LRRC46: variants seen among roughly 807,000 people sequenced by gnomAD.
LRRC46 encodes leucine-rich repeat-containing protein 46.
A neutral mutation model predicts 28.0 loss-of-function variants in LRRC46; 20 were observed. The ratio of observed to expected loss-of-function variants is 0.71; its 90% CI spans 0.50 to 1.04. The LOEUF is 1.04. Ranked by LOEUF, LRRC46 falls within the 50% of genes least tolerant of loss-of-function variation. The probability of loss-of-function intolerance (pLI) is 0.00; values close to 1 mark genes in which losing one functional copy is unlikely to be tolerated. For synonymous variants in LRRC46, 156 were observed against 158.8 expected (o/e 0.98, Z 0.13); for missense variants, 315 against 390.1 (o/e 0.81, Z 1.62).
chr17:47,837,416 G>A lies in LRRC46; in HGVS notation c.*296G>A. The A allele has an allele frequency of 2.2e-6, 1 of 444,906 alleles. No homozygotes were observed. The highest frequency in any genetic ancestry group is 4.0e-6 in the Non-Finnish European group (1 of 252,566). The allele number at this position is 444,906 out of a possible 1,614,324, so 27.6% of individuals were successfully genotyped here. A position where few individuals can be genotyped will look rare whatever the true frequency, so the allele number is the denominator to read the frequency against. ...TTCCTGGCTCCCACTTGGGCAGGAA[G>A]CGGGCACCACCTCATGGAAGAGGCA... is the stretch of plus-strand genomic sequence containing the variant. On this transcript the variant is annotated 3_prime_UTR_variant, in exon 8 of 8. Transcript: ENST00000269025.
chr17:47,831,954 C>T lies in LRRC46; in HGVS notation c.-36C>T, dbSNP rs780930852. ...CGCCAAGACCTCTCTTTTCGTTCCT[C>T]TCCCGCCTCAGACCAGCAGCCTTTT... On this transcript the variant is annotated 5_prime_UTR_variant, in exon 1 of 8. Coordinates refer to ENST00000269025, the MANE Select transcript of LRRC46 (RefSeq NM_033413.4). 6.2e-7 allele frequency: 1 copy of T among 1,612,804 alleles called. No individual in the cohort carries two copies. Among genetic ancestry groups the T allele is most frequent in the Non-Finnish European group, 8.5e-7 (1 of 1,180,006 alleles).
At chr17:47,835,457 C>T in intron 4 of LRRC46, 58 bp downstream of exon 4, 1 of 1,591,940 alleles carries the variant, frequency 6.3e-7, no homozygotes, top group Non-Finnish European at 8.6e-7. Context: ...TAGCCATATC[C>T]CAAAGAACTG....
At chr17:47,835,953 G>C (rs920263675) in intron 5 of LRRC46, 80 bp from the exon 6 acceptor site, 23 of 1,520,434 alleles carry the variant, frequency 1.5e-5, no homozygotes, top group Non-Finnish European at 2.1e-5. Flanking sequence ...GTGGGTATGA[G>C]AACCCCATTC....
In LRRC46 at chr17:47,835,414, G is replaced by A; in HGVS notation, c.272+15G>A. ...CCCTCCTTGCGGTATGTGGTGCCAGGGCTCAGGCAGGGGAAGAGGGGTTGG... is the reference window on the plus strand; with the variant it reads ...CCCTCCTTGCGGTATGTGGTGCCAGAGCTCAGGCAGGGGAAGAGGGGTTGG... On this transcript the variant is annotated intron_variant, in intron 4 of 7. Transcript: ENST00000269025. The A allele has an allele frequency of 6.2e-7, 1 of 1,613,656 alleles. No homozygotes were observed. The highest frequency in any genetic ancestry group is 8.5e-7 in the Non-Finnish European group (1 of 1,179,908).
intron 3 of LRRC46, 127 bp from the exon 4 acceptor site, chr17:47,835,226 G>A (rs2033679201): frequency 1.1e-6 from 1 of 939,568 alleles, no homozygotes; most frequent in Non-Finnish European, 1.8e-6. Context: ...AAGGAGTGGG[G>A]TGATCATTCC....
At chr17:47,835,501 T>A in intron 4 of LRRC46, 102 bp downstream of exon 4, 1 of 1,460,490 alleles carries the variant, frequency 6.8e-7, no homozygotes, top group Non-Finnish European at 9.5e-7. Flanking sequence ...TCCTTGTCAG[T>A]CAAGGACCAG....
At chr17:47,835,421 G>T in intron 4 of LRRC46, 22 bp downstream of exon 4, 1 of 1,613,496 alleles carries the variant, frequency 6.2e-7, no homozygotes, top group Non-Finnish European at 8.5e-7. Flanking sequence ...CAGGGCTCAG[G>T]CAGGGGAAGA....
chr17:47,832,149 C>A lies in LRRC46; in HGVS notation c.60C>A (p.Ala20=). Residue 20 remains alanine (A), a synonymous_variant, in exon 2 of 8, where the codon GCC becomes GCA. Coordinates refer to ENST00000269025, the MANE Select transcript of LRRC46 (RefSeq NM_033413.4). ...AAGGGGGCGTCTGCATCACTGAAGCCCTTATCACTAAGCGGAACTTGACTT... is the reference window on the plus strand; with the variant it reads ...AAGGGGGCGTCTGCATCACTGAAGCACTTATCACTAAGCGGAACTTGACTT... ...PEEGGVCITE[A]LITKRNLTFP... The A allele has an allele frequency of 1.2e-6, 2 of 1,606,962 alleles. No individual in the cohort carries two copies. The highest frequency in any genetic ancestry group is 1.7e-6 in the Non-Finnish European group (2 of 1,175,720).
chr17:47,837,479 C>G lies in LRRC46; in HGVS notation c.*359C>G. On this transcript the variant is annotated 3_prime_UTR_variant, in exon 8 of 8. Transcript: ENST00000269025. ...GCCACCCCTAGCGAGTGCCCTTCCC[C>G]GGTCCAAGCCAAGGACCAAGGAGCT... The G allele has an allele frequency of 2.5e-6, 1 of 397,016 alleles. No homozygotes were observed. The highest frequency in any genetic ancestry group is 4.5e-6 in the Non-Finnish European group (1 of 221,932). The allele number at this position is 397,016 out of a possible 1,614,324, so 24.6% of individuals were successfully genotyped here. A position where few individuals can be genotyped will look rare whatever the true frequency, so the allele number is the denominator to read the frequency against.
At chr17:47,835,203 T>A in intron 3 of LRRC46, 150 bp from the exon 4 acceptor site, 1 of 823,142 alleles carries the variant, frequency 1.2e-6, no homozygotes, top group Non-Finnish European at 2.1e-6. Flanking sequence ...CTTAAGGTAG[T>A]GGCAACCTGT....
chr17:47,833,448 ATTTTT>A (rs35268915), intron 2 of LRRC46, among the ~76,000 whole-genome samples: 1 of 118,674 alleles, frequency 8.4e-6, no homozygotes, highest in African/African-American at 3.4e-5. Flanking sequence ...CCTTCTTCCT[ATTTTT>A]TTTTTTTTTT....
rs901504078 is a variant in LRRC46 at position 47,834,666 on chromosome 17, C to G, written c.225+133C>G. On this transcript the variant is annotated intron_variant, in intron 3 of 7. Transcript: ENST00000269025. ...AGGCAGACCTTCATTTAAACCATTC[C>G]CAGACGAATGACATAGGGTCCTGAA... 1.3e-5 allele frequency: 8 copies of G among 610,464 alleles called. No individual in the cohort carries two copies. The African/African-American group carries it at 1.5e-4, about 11-fold the overall frequency. The allele number at this position is 610,464 out of a possible 1,614,324, so 37.8% of individuals were successfully genotyped here.
In LRRC46 at chr17:47,831,908, A is replaced by C; in HGVS notation, c.-82A>C. On this transcript the variant is annotated 5_prime_UTR_variant, in exon 1 of 8. Coordinates refer to ENST00000269025, the MANE Select transcript of LRRC46 (RefSeq NM_033413.4). ...GTTTCTCTCTCCTCCTGCCATCCTG[A>C]GTTCTGCCATCCTTAGGGGCCGCCA... 5.1e-6 allele frequency: 8 copies of C among 1,577,550 alleles called. No homozygotes were observed. Among genetic ancestry groups the C allele is most frequent in the Non-Finnish European group, 7.0e-6 (8 of 1,150,540 alleles).
At position 47,837,564 on chromosome 17, in the gene LRRC46, G is replaced by T. The variant is rs1301761241; in HGVS notation, c.*444G>T. The T allele has an allele frequency of 6.3e-6, 3 of 476,724 alleles. No homozygotes were observed. The highest frequency in any genetic ancestry group is 1.1e-5 in the Non-Finnish European group (3 of 272,100). The allele number at this position is 476,724 out of a possible 1,614,324, so 29.5% of individuals were successfully genotyped here. On this transcript the variant is annotated 3_prime_UTR_variant, in exon 8 of 8. Coordinates refer to ENST00000269025, the MANE Select transcript of LRRC46 (RefSeq NM_033413.4). The stretch of plus-strand genomic sequence containing the variant: ...TGTCCCCTCCCTGTCCTCCTGCCCA[G>T]TCCCCATCACTCACCCACTCATAGG...
At chr17:47,834,842 G>C (rs1184379290) in intron 3 of LRRC46, 3 of 246,384 alleles carry the variant, frequency 1.2e-5, no homozygotes, top group South Asian at 9.0e-5. Context: ...CTGTTTTGAA[G>C]AAGAGGAAAC....
Position 47,836,674 on chromosome 17 carries a change from TC to T in LRRC46, c.596-73del, listed in dbSNP as rs2033701119. ...AGGGACAAGGGGCCAGCCAGAGACT[TC>T]CCTGAGCCCAGGGACCCTCCTGCTG... On this transcript the variant is annotated intron_variant, in intron 7 of 7. Coordinates refer to ENST00000269025, the MANE Select transcript of LRRC46 (RefSeq NM_033413.4). The surrounding 1 kb of genome is among the most constrained non-coding windows in gnomAD (Gnocchi z 5.8). The T allele has an allele frequency of 6.4e-7, 1 of 1,567,770 alleles. No individual in the cohort carries two copies. The highest frequency in any genetic ancestry group is 8.6e-7 in the Non-Finnish European group (1 of 1,159,962).
chr17:47,836,690 C>T lies in LRRC46; in HGVS notation c.596-60C>T. ...CCAGAGACTTCCCTGAGCCCAGGGA[C>T]CCTCCTGCTGAGCCCAGGGCTCCAC... On this transcript the variant is annotated intron_variant, in intron 7 of 7. Coordinates refer to ENST00000269025, the MANE Select transcript of LRRC46 (RefSeq NM_033413.4). This position sits in a 1 kb window ranked among gnomAD's most constrained non-coding sequence, Gnocchi z 5.8. The T allele has an allele frequency of 6.3e-7, 1 of 1,583,688 alleles. No homozygotes were observed. Among genetic ancestry groups the T allele is most frequent in the Non-Finnish European group, 8.6e-7 (1 of 1,167,890 alleles).
rs770431623 is a variant in LRRC46, at chr17:47,836,044, C to T, written c.394C>T (p.Gln132Ter). ...IETLKLDEFP[Q>*]SLLILNLSGN... is the part of the protein sequence containing the mutation. ...TTTGCTGTGTGCAGATGAGTTCCCC[C>T]AGAGCCTTCTCATCCTCAACCTGTC... is the stretch of plus-strand genomic sequence containing the variant. Residue 132 changes from glutamine to a stop codon, truncating the protein, a stop_gained, in exon 6 of 8, where the codon CAG becomes TAG. Coordinates refer to ENST00000269025, the MANE Select transcript of LRRC46 (RefSeq NM_033413.4). LOFTEE classifies it high-confidence loss of function. The surrounding 1 kb of genome is among the most constrained non-coding windows in gnomAD (Gnocchi z 5.8). 3 of 1,614,204 alleles carry T rather than the reference C, an allele frequency of 1.9e-6. No individual in the cohort carries two copies. The highest frequency in any genetic ancestry group is 1.7e-5 in the Admixed American group (1 of 60,030).
At chr17:47,834,864 C>T (rs545082731) in intron 3 of LRRC46, 7 of 242,084 alleles carry the variant, frequency 2.9e-5, no homozygotes, top group African/African-American at 9.1e-5. Flanking sequence ...ATGAAGATTC[C>T]TGTACATCAT....
Sources: gnomAD v4.1 joint callset for allele counts (sites outside exome capture counted in the v4.1 genomes callset) on GRCh38, gnomAD v4.1.1 for gene constraint, Gnocchi (gnomAD v3.1) non-coding constraint, MANE v1.5 for transcripts, NCBI Gene and HGNC (gene_info 2026-07-23, HGNC 2026-07-21) for gene names.